TTC27: variants seen among roughly 807,000 people sequenced by gnomAD.
TTC27 encodes the protein tetratricopeptide repeat domain 27.
TTC27 carries 79 observed loss-of-function variants against 115.9 expected under a neutral mutation model. That is an observed-to-expected ratio of 0.68 (90% CI 0.57 to 0.82). TTC27 has a LOEUF of 0.82. Among genes scored for constraint, TTC27 ranks in the 40% least tolerant of loss-of-function variants. The probability of loss-of-function intolerance (pLI) is 0.00; values close to 1 mark genes in which losing one functional copy is unlikely to be tolerated. For missense variants in TTC27, 1,054 were observed against 993.1 expected, an observed-to-expected ratio of 1.06 and a Z score of -0.82; for synonymous variants, 401 against 356.0, an observed-to-expected ratio of 1.13 and a Z score of -1.42.
intron 5 of TTC27, among the ~76,000 whole-genome samples, chr2:32,654,574 G>A (rs190906272): frequency 6.6e-5 from 10 of 152,040 alleles, no homozygotes; most frequent in East Asian, 3.9e-4. Context: ...TCTGTCATCC[G>A]TGCTGGAGTG....
intron 10 of TTC27, among the ~76,000 whole-genome samples, chr2:32,715,114 T>C (rs760543257): frequency 5.3e-5 from 8 of 152,236 alleles, no homozygotes; most frequent in Non-Finnish European, 1.0e-4. Context: ...TTGTTGAAAT[T>C]GCTTTTGGCA....
chr2:32,754,798 AC>A (rs1669149414), intron 12 of TTC27, among the ~76,000 whole-genome samples: 2 of 134,600 alleles, frequency 1.5e-5, no homozygotes, highest in African/African-American at 2.8e-5. Flanking sequence ...TCCCTCCCGG[AC>A]GGGGCGGCTG....
intron 8 of TTC27, among the ~76,000 whole-genome samples, chr2:32,673,879 C>T (rs1011969865): frequency 1.3e-5 from 2 of 151,976 alleles, no homozygotes; most frequent in Non-Finnish European, 2.9e-5. Flanking sequence ...CCTGTAATCC[C>T]AGCTACTTGG....
At chr2:32,737,095 G>C in intron 12 of TTC27, among the ~76,000 whole-genome samples, 1 of 152,096 alleles carries the variant, frequency 6.6e-6, no homozygotes. Flanking sequence ...GAAATATTTG[G>C]AATCATTTTA....
intron 2 of TTC27, among the ~76,000 whole-genome samples, chr2:32,633,285 A>C (rs1664282950): frequency 6.6e-6 from 1 of 152,224 alleles, no homozygotes; most frequent in African/African-American, 2.4e-5. Flanking sequence ...AGCCACACTT[A>C]ACTATTGAGC....
chr2:32,751,485 T>G (rs1669013605), intron 12 of TTC27, among the ~76,000 whole-genome samples: 1 of 152,104 alleles, frequency 6.6e-6, no homozygotes, highest in Non-Finnish European at 1.5e-5. Context: ...TATATCTAAT[T>G]CACTGTACAC....
chr2:32,811,770 C>G (rs1313792162), intron 17 of TTC27, among the ~76,000 whole-genome samples: 2 of 152,196 alleles, frequency 1.3e-5, no homozygotes, highest in African/African-American at 4.8e-5. Context: ...TATCTTAGAA[C>G]TTAAAGGAGC....
At chr2:32,765,990 G>A (rs1165306282) in intron 13 of TTC27, among the ~76,000 whole-genome samples, 1 of 152,134 alleles carries the variant, frequency 6.6e-6, no homozygotes, top group Non-Finnish European at 1.5e-5. Context: ...CAGCAATAAG[G>A]CCATTTCGCT....
At chr2:32,670,343 T>C (rs1665966797) in intron 7 of TTC27, among the ~76,000 whole-genome samples, 1 of 152,140 alleles carries the variant, frequency 6.6e-6, no homozygotes, top group Non-Finnish European at 1.5e-5. Flanking sequence ...ACCACCACAA[T>C]GAAAAAAAGT....
chr2:32,790,600 T>A (rs1670503272), intron 16 of TTC27, among the ~76,000 whole-genome samples: 1 of 152,114 alleles, frequency 6.6e-6, no homozygotes, highest in African/African-American at 2.4e-5. Context: ...TTTACTGAGG[T>A]ATTTTGAAAT....
chr2:32,772,742 A>G (rs1397341795), intron 13 of TTC27, among the ~76,000 whole-genome samples: 1 of 152,168 alleles, frequency 6.6e-6, no homozygotes, highest in African/African-American at 2.4e-5. Context: ...TCAGAACATA[A>G]CCCTATAAGT....
chr2:32,675,647 TG>T (rs1460151937), intron 8 of TTC27, among the ~76,000 whole-genome samples: 1 of 152,212 alleles, frequency 6.6e-6, no homozygotes, highest in Non-Finnish European at 1.5e-5. Flanking sequence ...TAAGTTACTG[TG>T]GGGTTTTTAA....
rs75085130 is a variant in TTC27 at position 32,751,534 on chromosome 2, C to A, written c.1453-6758C>A. Among the ~76,000 whole-genome samples, 685 of 152,142 alleles carry A rather than the reference C, an allele frequency of 4.5e-3. 5 individuals carry two copies. The highest frequency in any genetic ancestry group is 0.015 in the African/African-American group (625 of 41,494). On this transcript the variant is annotated intron_variant, in intron 12 of 19. Coordinates refer to ENST00000317907, the MANE Select transcript of TTC27 (RefSeq NM_017735.5). The stretch of plus-strand genomic sequence containing the variant: ...AAGAGAAGGAAACTAGAGAAATCAC[C>A]ACTAGATAGATTCAGGCCCAGATTA...
intron 10 of TTC27, among the ~76,000 whole-genome samples, chr2:32,716,412 A>C (rs1470825780): frequency 6.6e-6 from 1 of 152,232 alleles, no homozygotes; most frequent in Non-Finnish European, 1.5e-5. Context: ...TAAATGAAAG[A>C]TATAAATTCT....
chr2:32,787,872 A>G (rs1000291558), intron 16 of TTC27, among the ~76,000 whole-genome samples: 12 of 152,190 alleles, frequency 7.9e-5, no homozygotes, highest in African/African-American at 2.9e-4. Flanking sequence ...ATGGAGAGAT[A>G]GCAGAGTTTT....
chr2:32,801,170 T>G (rs1670922218), intron 16 of TTC27, among the ~76,000 whole-genome samples: 1 of 152,196 alleles, frequency 6.6e-6, no homozygotes, highest in Non-Finnish European at 1.5e-5. Flanking sequence ...TTTAACTGTC[T>G]TAGTCTTTCT....
intron 3 of TTC27, among the ~76,000 whole-genome samples, chr2:32,634,409 C>T (rs1664333949): frequency 6.6e-6 from 1 of 151,622 alleles, no homozygotes; most frequent in Admixed American, 6.6e-5. Context: ...GATCTTCCCA[C>T]CTCAGCCTCC....
intron 14 of TTC27, 105 bp downstream of exon 14, chr2:32,778,085 G>A (rs906236106): frequency 9.3e-6 from 10 of 1,073,574 alleles, no homozygotes; most frequent in South Asian, 3.4e-5. Flanking sequence ...TTGGAGGAAA[G>A]TGTACATTTG....
intron 10 of TTC27, among the ~76,000 whole-genome samples, chr2:32,708,678 TTTGTTG>T (rs4019331): frequency 6.6e-6 from 1 of 150,600 alleles, no homozygotes; most frequent in African/African-American, 2.5e-5. Flanking sequence ...CCCACCTTAC[TTTGTTG>T]TTGTTGTTGT....
Sources: allele counts gnomAD v4.1 joint callset (sites outside exome capture counted in the v4.1 genomes callset), GRCh38; gene constraint gnomAD v4.1.1; transcripts MANE v1.5; gene names NCBI Gene and HGNC (gene_info 2026-07-23, HGNC 2026-07-21).